STK11IP: variants seen among roughly 807,000 people sequenced by gnomAD.
STK11IP encodes serine/threonine-protein kinase 11-interacting protein.
Under a neutral mutation model 131.7 loss-of-function variants are expected in STK11IP, and 103 were observed. The observed-to-expected ratio is 0.78, with a 90% CI of 0.67 to 0.92. STK11IP has a LOEUF of 0.92. Ranked by LOEUF, STK11IP falls within the 40% of genes least tolerant of loss-of-function variation. The pLI is 0.00. For missense variants in STK11IP, 1,315 were observed against 1,385.7 expected (o/e 0.95, Z 0.81); for synonymous variants, 557 against 575.6 (o/e 0.97, Z 0.46).
chr2:219,602,816 TTTGA>T, intron 7 of STK11IP, 40 bp downstream of exon 7: 1 of 1,571,262 alleles, frequency 6.4e-7, no homozygotes, highest in Non-Finnish European at 8.7e-7. Context: ...ACCATGGGTC[TTTGA>T]TTGCTCTGCT....
intron 5 of STK11IP, 110 bp from the exon 6 acceptor site, chr2:219,602,358 G>C (rs938245365): frequency 1.2e-6 from 1 of 837,178 alleles, no homozygotes; most frequent in Non-Finnish European, 1.9e-6. Context: ...TGTATCTTCA[G>C]ATGGAGTTCA....
chr2:219,613,123 C>T lies in STK11IP; in HGVS notation c.2440-5C>T, dbSNP rs550807050. On this transcript the variant is annotated splice_region_variant and splice_polypyrimidine_tract_variant and intron_variant, in intron 19 of 24. Coordinates refer to ENST00000456909, the MANE Select transcript of STK11IP (RefSeq NM_052902.4). ...AGGTTTCTCACCAACTTCCTCTTCCCCCAGGTGCCAGTGGCATTGGCAGGC... is the reference window on the plus strand; with the variant it reads ...AGGTTTCTCACCAACTTCCTCTTCCTCCAGGTGCCAGTGGCATTGGCAGGC... The T allele has an allele frequency of 9.3e-6, 15 of 1,611,454 alleles. No homozygotes were observed. The highest frequency in any genetic ancestry group is 1.7e-4 in the Middle Eastern group (1 of 6,054).
rs539890004 is a variant in STK11IP, at chr2:219,612,407, T to C, written c.2439+349T>C. Among the ~76,000 whole-genome samples the C allele has an allele frequency of 2.0e-5, 3 of 152,340 alleles. No individual in the cohort carries two copies. The South Asian group carries it at 6.2e-4, about 32-fold the overall frequency. ...TGTTGAGCACCTGTTGTGCTAGACA[T>C]TGAGGATCTACAGATCAATCTTGCC... On this transcript the variant is annotated intron_variant, in intron 19 of 24. Coordinates refer to ENST00000456909, the MANE Select transcript of STK11IP (RefSeq NM_052902.4).
At chr2:219,615,362 T>C in intron 24 of STK11IP, 21 bp downstream of exon 24, 1 of 1,584,744 alleles carries the variant, frequency 6.3e-7, no homozygotes, top group East Asian at 2.2e-5. Context: ...GTATCTCCAG[T>C]GAGAGGGAGG....
At position 219,613,802 on chromosome 2, in the gene STK11IP, A is replaced by T. The variant is rs1426976402; in HGVS notation, c.2588A>T (p.Asp863Val). The T allele has an allele frequency of 6.2e-7, 1 of 1,612,112 alleles. No homozygotes were observed. The highest frequency in any genetic ancestry group is 1.3e-5 in the African/African-American group (1 of 74,808). Residue 863 changes from aspartate (D) to valine (V), a missense_variant, in exon 21 of 25, where the codon GAT (aspartate) becomes GTT (valine). Coordinates refer to ENST00000456909, the MANE Select transcript of STK11IP (RefSeq NM_052902.4). ...LQLTLAVPLQ[D>V]LSGIELGLAG... ...CTGACCCTGGCTGTTCCCCTGCAGG[A>T]TCTGAGTGGCATAGAGCTGGGCCTG...
rs530147554 is a variant in STK11IP, at chr2:219,605,509, A to G, written c.619-99A>G. 154 of 1,256,498 alleles carry G rather than the reference A, an allele frequency of 1.2e-4. 3 individuals are homozygous for G. The East Asian group carries it at 3.7e-3, about 31-fold the overall frequency. The allele number at this position is 1,256,498 out of a possible 1,614,324, so 77.8% of individuals were successfully genotyped here. A position where few individuals can be genotyped will look rare whatever the true frequency, so the allele number is the denominator to read the frequency against. ...TTGTGCTGAGTGTGTGCAGTTTTAT[A>G]TAGGCCAAGGTTGAGGCCTAGTCCA... On this transcript the variant is annotated intron_variant, in intron 7 of 24. Transcript: ENST00000456909.
chr2:219,611,677 CA>C lies in STK11IP; in HGVS notation c.2179del (p.Arg727GlyfsTer113). ...LLAVSRGTPN[R>X]ERKQGEQSLA... ...TCGCTGTGTCTCGGGGAACCCCCAACAGGGAGCGGAAACAGGGAGAGCAGTC... is the reference window on the plus strand; with the variant it reads ...TCGCTGTGTCTCGGGGAACCCCCAACGGGAGCGGAAACAGGGAGAGCAGTC... On this transcript the variant is annotated frameshift_variant, in exon 18 of 25. Transcript: ENST00000456909. LOFTEE classifies it high-confidence loss of function. 6.2e-7 allele frequency: 1 copy of C among 1,613,170 alleles called. No homozygotes were observed. Among genetic ancestry groups the C allele is most frequent in the Non-Finnish European group, 8.5e-7 (1 of 1,179,878 alleles).
intron 9 of STK11IP, 52 bp downstream of exon 9, chr2:219,606,111 C>A (rs892290704): frequency 6.5e-7 from 1 of 1,547,398 alleles, no homozygotes; most frequent in East Asian, 2.4e-5. Context: ...ACGTACCCCC[C>A]CATGCTGGTT....
rs757168206 is a variant in STK11IP at position 219,616,172 on chromosome 2, G to A, written c.3246G>A (p.Glu1082=). 1.9e-6 allele frequency: 3 copies of A among 1,613,514 alleles called. No homozygotes were observed. In the African/African-American group the frequency reaches 4.0e-5, roughly 22 times the overall value. Residue 1082 remains glutamate (E), a synonymous_variant, in exon 25 of 25, where the codon GAG becomes GAA. Coordinates refer to ENST00000456909, the MANE Select transcript of STK11IP (RefSeq NM_052902.4). ...FSIGLRTVIQ[E]ALALDR is the part of the protein sequence containing the mutation. ...TCGGACTCCGGACAGTGATCCAAGA[G>A]GCGCTGGCCCTTGACCGATGAGGGT...
intron 1 of STK11IP, 71 bp downstream of exon 1, chr2:219,597,994 C>G: frequency 6.3e-7 from 1 of 1,594,158 alleles, no homozygotes; most frequent in Non-Finnish European, 8.5e-7. Flanking sequence ...TTTTCTTTCT[C>G]GCCTTTTTCT....
intron 4 of STK11IP, 102 bp from the exon 5 acceptor site, chr2:219,601,886 C>A: frequency 7.8e-7 from 1 of 1,287,568 alleles, no homozygotes; most frequent in Non-Finnish European, 1.1e-6. Context: ...TAAATCATAG[C>A]TGGGCTTTGT....
At position 219,605,950 on chromosome 2, in the gene STK11IP, C is replaced by G; in HGVS notation, c.746-6C>G. On this transcript the variant is annotated splice_polypyrimidine_tract_variant and splice_region_variant and intron_variant, in intron 8 of 24. Transcript: ENST00000456909. ...TGCTCTTCCTTCCTTCTTGCGTCCA[C>G]CCCAGGCCTAGAGCAGCTGAGGAAT... 6.3e-7 allele frequency: 1 copy of G among 1,596,050 alleles called. No individual in the cohort carries two copies. Among genetic ancestry groups the G allele is most frequent in the Non-Finnish European group, 8.5e-7 (1 of 1,170,994 alleles).
Position 219,616,361 on chromosome 2 carries a change from G to C in STK11IP, c.*168G>C. ...GGGCTTAAGGGAGAGGCGAGAGAAT[G>C]ATCTGGCCTCAGGGGACAGGCCACC... On this transcript the variant is annotated 3_prime_UTR_variant, in exon 25 of 25. Transcript: ENST00000456909. 3.4e-6 allele frequency: 3 copies of C among 879,430 alleles called. No individual in the cohort carries two copies. Among genetic ancestry groups the C allele is most frequent in the South Asian group, 4.0e-5 (2 of 50,574 alleles). 54.5% of individuals were successfully genotyped at this position (879,430 alleles called of 1,614,324 possible). A position where few individuals can be genotyped will look rare whatever the true frequency, so the allele number is the denominator to read the frequency against.
At position 219,606,305 on chromosome 2, in the gene STK11IP, T is replaced by C; in HGVS notation, c.945+15T>C. ...CTGCTACTGGCGTGAGTGATCGTCC[T>C]GTGTCCACTCTTCTTCCCCTTTCCT... On this transcript the variant is annotated intron_variant, in intron 10 of 24. Transcript: ENST00000456909. The C allele has an allele frequency of 6.4e-7, 1 of 1,557,872 alleles. No individual in the cohort carries two copies. The highest frequency in any genetic ancestry group is 8.7e-7 in the Non-Finnish European group (1 of 1,150,202).
chr2:219,612,168 T>C, intron 19 of STK11IP, 110 bp downstream of exon 19: 1 of 985,236 alleles, frequency 1.0e-6, no homozygotes, highest in East Asian at 2.6e-5. Context: ...ATCTGGCTTC[T>C]GGTTTCAACC....
At position 219,616,158 on chromosome 2, in the gene STK11IP, A is replaced by G; in HGVS notation, c.3232A>G (p.Thr1078Ala). The G allele has an allele frequency of 6.2e-7, 1 of 1,613,692 alleles. No individual in the cohort carries two copies. Among genetic ancestry groups the G allele is most frequent in the Non-Finnish European group, 8.5e-7 (1 of 1,179,872 alleles). Residue 1078 changes from threonine to alanine, a missense_variant, in exon 25 of 25, where the codon ACA (threonine) becomes GCA (alanine). Transcript: ENST00000456909. Reference protein sequence around the residue: ...WEELFSIGLRTVIQEALALDR With the variant: ...WEELFSIGLRAVIQEALALDR ...GGAGCTGTTTTCCATCGGACTCCGG[A>G]CAGTGATCCAAGAGGCGCTGGCCCT...
At position 219,609,485 on chromosome 2, in the gene STK11IP, G is replaced by C; in HGVS notation, c.2049G>C (p.Glu683Asp). 1.2e-6 allele frequency: 2 copies of C among 1,602,110 alleles called. No individual in the cohort carries two copies. The highest frequency in any genetic ancestry group is 2.7e-5 in the African/African-American group (2 of 74,878). ...LRCGHEFKPEEPRMGLDSEEG... is the reference protein window; with the variant it reads ...LRCGHEFKPEDPRMGLDSEEG... ...GTGGCCATGAGTTCAAGCCAGAGGA[G>C]CCCAGGATGGGATTAGACAGTGAGG... Residue 683 changes from glutamate (E) to aspartate (D), a missense_variant, in exon 17 of 25, where the codon GAG (glutamate) becomes GAC (aspartate). Coordinates refer to ENST00000456909, the MANE Select transcript of STK11IP (RefSeq NM_052902.4).
At position 219,601,622 on chromosome 2, in the gene STK11IP, G is replaced by GTTA. The variant is rs1553542833; in HGVS notation, c.268-17_268-16insATT. On this transcript the variant is annotated intron_variant, in intron 3 of 24. Coordinates refer to ENST00000456909, the MANE Select transcript of STK11IP (RefSeq NM_052902.4). ...GATCTGCTGTGCCTCAGTAAATTGA[G>GTTA]TTTTTTTTTTTTTTTCAGCTGGTCC... The GTTA allele has an allele frequency of 1.5e-4, 220 of 1,491,302 alleles. No homozygotes were observed. The highest frequency in any genetic ancestry group is 1.9e-4 in the Non-Finnish European group (210 of 1,108,028). 92.4% of individuals were successfully genotyped at this position (1,491,302 alleles called of 1,614,324 possible).
Position 219,608,629 on chromosome 2 carries a change from G to A in STK11IP, c.1650G>A (p.Glu550=), listed in dbSNP as rs1170077261. ...TGGTGTGTCCCCTGGAGGGGCCTGA[G>A]GGCGTACGGGGCAGGGAATGCTTTC... ...PLLVCPLEGP[E]GVRGRECFLR... is the part of the protein sequence containing the mutation. The change falls in exon 15 of 25, where the codon GAG becomes GAA. Residue 550 remains glutamate (E), a synonymous_variant. Transcript: ENST00000456909. 2 of 1,612,536 alleles carry A rather than the reference G, an allele frequency of 1.2e-6. No individual in the cohort carries two copies. The highest frequency in any genetic ancestry group is 1.7e-6 in the Non-Finnish European group (2 of 1,179,124).
Sources: allele counts gnomAD v4.1 joint callset (sites outside exome capture counted in the v4.1 genomes callset), GRCh38; gene constraint gnomAD v4.1.1; transcripts MANE v1.5; gene names NCBI Gene and HGNC (gene_info 2026-07-23, HGNC 2026-07-21).